PRKCE: variants seen among roughly 807,000 people sequenced by gnomAD.
The protein encoded by PRKCE is protein kinase C epsilon type.
Under a neutral mutation model 85.4 loss-of-function variants are expected in PRKCE, and 16 were observed. The observed-to-expected ratio is 0.19, with a 90% CI of 0.13 to 0.28. PRKCE has a LOEUF of 0.28. Among genes scored for constraint, PRKCE ranks in the 10% least tolerant of loss-of-function variants. The pLI, the probability that PRKCE is intolerant of heterozygous loss-of-function variation, is 1.00. For synonymous variants in PRKCE, 388 were observed against 371.5 expected, an observed-to-expected ratio of 1.04 and a Z score of -0.51; for missense variants, 573 against 975.2, an observed-to-expected ratio of 0.59 and a Z score of 5.49.
intron 1 of PRKCE, among the ~76,000 whole-genome samples, chr2:45,721,613 T>C (rs1481331959): frequency 6.6e-6 from 1 of 152,170 alleles, no homozygotes; most frequent in Non-Finnish European, 1.5e-5. Context: ...GGCTCACGCC[T>C]GTAATCCCAG....
chr2:45,803,805 T>G (rs1358444514), intron 1 of PRKCE, among the ~76,000 whole-genome samples: 1 of 152,250 alleles, frequency 6.6e-6, no homozygotes, highest in African/African-American at 2.4e-5. Flanking sequence ...AAATATTGTA[T>G]ACACTGTAAA....
At chr2:45,788,191 A>G (rs564126903) in intron 1 of PRKCE, among the ~76,000 whole-genome samples, 1 of 152,300 alleles carries the variant, frequency 6.6e-6, no homozygotes, top group East Asian at 1.9e-4. Context: ...GGTGACTGCA[A>G]TTTCCAAATA....
At position 46,184,944 on chromosome 2, in the gene PRKCE, T is replaced by C. The variant is rs1574700267; in HGVS notation, c.*63T>C. ...AGGGGTGCAGAGAAGACTCCTGTGTTGGAGACACTCAGCAGGTCTTGAACT... is the reference window on the plus strand; with the variant it reads ...AGGGGTGCAGAGAAGACTCCTGTGTCGGAGACACTCAGCAGGTCTTGAACT... On this transcript the variant is annotated 3_prime_UTR_variant, in exon 15 of 15. Transcript: ENST00000306156. This position sits in a 1 kb window ranked among gnomAD's most constrained non-coding sequence, Gnocchi z 5.0. 8 of 1,581,782 alleles carry C rather than the reference T, an allele frequency of 5.1e-6. No homozygotes were observed. The East Asian group carries it at 1.1e-4, about 22-fold the overall frequency.
chr2:45,749,280 G>T (rs890284600), intron 1 of PRKCE, among the ~76,000 whole-genome samples: 3 of 152,198 alleles, frequency 2.0e-5, no homozygotes, highest in Non-Finnish European at 4.4e-5. Context: ...ATATTAGGCA[G>T]AGCAAAACCT....
chr2:46,060,618 G>C (rs1667019261), intron 10 of PRKCE, among the ~76,000 whole-genome samples: 1 of 152,238 alleles, frequency 6.6e-6, no homozygotes, highest in African/African-American at 2.4e-5. Context: ...TCCCGGAAGA[G>C]TTCTGTGTGA....
intron 2 of PRKCE, among the ~76,000 whole-genome samples, chr2:45,939,001 G>T (rs1428004936): frequency 6.6e-6 from 1 of 152,266 alleles, no homozygotes; most frequent in South Asian, 2.1e-4. Context: ...CTAATTCCAC[G>T]CTGGCTCTGA....
intron 1 of PRKCE, among the ~76,000 whole-genome samples, chr2:45,682,310 C>A (rs182761194): frequency 2.6e-5 from 4 of 152,156 alleles, no homozygotes; most frequent in Admixed American, 2.6e-4. Flanking sequence ...TTGATGAGCA[C>A]CGATTTTACA....
intron 13 of PRKCE, among the ~76,000 whole-genome samples, chr2:46,158,295 TTCAACCAGAGGGAAGAAAGAATGCAA>T (rs1175506733): frequency 6.6e-6 from 1 of 152,180 alleles, no homozygotes. Context: ...GAGAGGGACA[TTCAACCAGAGGGAAGAAAGAATGCAA>T]AAGGACAGCA....
intron 14 of PRKCE, chr2:46,166,983 C>T (rs1678404361): frequency 1.3e-5 from 2 of 152,132 alleles, no homozygotes; most frequent in Non-Finnish European, 2.9e-5. Context: ...AAAGGGAGAT[C>T]CTGTCTCAAA....
At chr2:46,064,901 A>G (rs991672407) in intron 10 of PRKCE, among the ~76,000 whole-genome samples, 6 of 152,168 alleles carry the variant, frequency 3.9e-5, no homozygotes. Context: ...GCAGTGGGAA[A>G]GGGGAGGCCC....
chr2:45,986,535 C>G (rs1251588798), intron 6 of PRKCE, among the ~76,000 whole-genome samples: 1 of 152,026 alleles, frequency 6.6e-6, no homozygotes, highest in Non-Finnish European at 1.5e-5. Flanking sequence ...GGATAGAAAT[C>G]CAGGAGGAGG....
chr2:45,970,215 G>T lies in PRKCE; in HGVS notation c.413-6214G>T, dbSNP rs537935325. Among the ~76,000 whole-genome samples, 32 of 152,262 alleles carry T rather than the reference G, an allele frequency of 2.1e-4. No individual in the cohort carries two copies. In the South Asian group the frequency reaches 6.4e-3, roughly 31 times the overall value. Reference sequence around the variant, plus strand: ...TTTCATAGTAGACTTGCCAATAATGGATAATAATTTTAAAACAAATTGGTT... The same window carrying T: ...TTTCATAGTAGACTTGCCAATAATGTATAATAATTTTAAAACAAATTGGTT... On this transcript the variant is annotated intron_variant, in intron 2 of 14. Transcript: ENST00000306156.
At position 45,871,850 on chromosome 2, in the gene PRKCE, C is replaced by T. The variant is rs146361823; in HGVS notation, c.412+28787C>T. On this transcript the variant is annotated intron_variant, in intron 2 of 14. Transcript: ENST00000306156. The stretch of plus-strand genomic sequence containing the variant: ...GCCAGAACCTTCCCCTTACACACTG[C>T]GGAGTTTGATGTCTGGGGTCTGATG... Among the ~76,000 whole-genome samples, 43 of 152,218 alleles carry T rather than the reference C, an allele frequency of 2.8e-4. No homozygotes were observed. The East Asian group carries it at 7.2e-3, about 25-fold the overall frequency.
At chr2:45,793,227 T>C (rs1687169907) in intron 1 of PRKCE, among the ~76,000 whole-genome samples, 1 of 152,240 alleles carries the variant, frequency 6.6e-6, no homozygotes, top group African/African-American at 2.4e-5. Context: ...AGCCTTCCTA[T>C]TTGTTGAATT....
chr2:46,138,780 C>T lies in PRKCE; in HGVS notation c.1593-6313C>T, dbSNP rs115740907. ...GCATAACATCTCATAGCATCTAATG[C>T]GTAGAGACCAGGGTGCTAGTAAACA... is the stretch of plus-strand genomic sequence containing the variant. On this transcript the variant is annotated intron_variant, in intron 11 of 14. Transcript: ENST00000306156. This position sits in a 1 kb window ranked among gnomAD's most constrained non-coding sequence, Gnocchi z 4.2. 6.2e-3 allele frequency among the ~76,000 whole-genome samples: 944 copies of T among 152,290 alleles called. 12 individuals carry two copies. Among genetic ancestry groups the T allele is most frequent in the African/African-American group, 0.022 (902 of 41,534 alleles).
intron 2 of PRKCE, among the ~76,000 whole-genome samples, chr2:45,882,335 G>C (rs1010817845): frequency 6.6e-6 from 1 of 152,180 alleles, no homozygotes; most frequent in Admixed American, 6.5e-5. Flanking sequence ...ATGTAGTTCT[G>C]CATGTGGGTT....
intron 10 of PRKCE, among the ~76,000 whole-genome samples, chr2:46,080,870 G>A (rs1461392991): frequency 6.6e-6 from 1 of 152,156 alleles, no homozygotes; most frequent in Non-Finnish European, 1.5e-5. Flanking sequence ...CTGAAATGGT[G>A]AGAGTGGGCA....
chr2:45,748,492 G>A (rs976434013), intron 1 of PRKCE, among the ~76,000 whole-genome samples: 1 of 152,170 alleles, frequency 6.6e-6, no homozygotes, highest in Non-Finnish European at 1.5e-5. Context: ...TGGCAAGCAG[G>A]CCGCTGCCAG....
chr2:45,998,153 G>T (rs1025492651), intron 6 of PRKCE, among the ~76,000 whole-genome samples: 1 of 152,176 alleles, frequency 6.6e-6, no homozygotes, highest in Non-Finnish European at 1.5e-5. Flanking sequence ...ATAGATGTCA[G>T]TTATATTCAG....
Sources: allele counts gnomAD v4.1 joint callset (sites outside exome capture counted in the v4.1 genomes callset), GRCh38; gene constraint gnomAD v4.1.1; non-coding constraint Gnocchi (gnomAD v3.1); transcripts MANE v1.5; gene names NCBI Gene and HGNC (gene_info 2026-07-23, HGNC 2026-07-21).